SPATA16: variants seen among roughly 807,000 people sequenced by gnomAD.
SPATA16 encodes spermatogenesis-associated protein 16.
A neutral mutation model predicts 63.3 loss-of-function variants in SPATA16; 36 were observed. That is an observed-to-expected ratio of 0.57 (90% CI 0.44 to 0.75). The LOEUF (loss-of-function observed/expected upper bound fraction) is 0.75, where lower values mean the gene tolerates loss of function less well. SPATA16 is among the 30% of genes least tolerant of loss of function. The probability of loss-of-function intolerance (pLI) is 0.00; values close to 1 mark genes in which losing one functional copy is unlikely to be tolerated. For synonymous variants in SPATA16, 203 were observed against 216.7 expected, an observed-to-expected ratio of 0.94 and a Z score of 0.56; for missense variants, 646 against 679.3, an observed-to-expected ratio of 0.95 and a Z score of 0.54.
chr3:173,010,439 T>C (rs1735043223), intron 4 of SPATA16, among the ~76,000 whole-genome samples: 1 of 144,808 alleles, frequency 6.9e-6, no homozygotes, highest in African/African-American at 2.6e-5. Flanking sequence ...TTGTGGCGTG[T>C]GTGTGTGTGT....
chr3:173,090,329 C>A (rs188431922), intron 2 of SPATA16, among the ~76,000 whole-genome samples: 1 of 152,134 alleles, frequency 6.6e-6, no homozygotes, highest in African/African-American at 2.4e-5. Flanking sequence ...TAATTGTAAG[C>A]TTCCAGAGGC....
At chr3:173,067,054 T>C (rs557594250) in intron 2 of SPATA16, among the ~76,000 whole-genome samples, 53 of 152,036 alleles carry the variant, frequency 3.5e-4, no homozygotes, top group African/African-American at 1.1e-3. Context: ...AATACCAAAA[T>C]TGATCAAGCA....
chr3:173,048,374 A>C (rs1319495891), intron 3 of SPATA16, among the ~76,000 whole-genome samples: 1 of 152,144 alleles, frequency 6.6e-6, no homozygotes, highest in East Asian at 1.9e-4. Flanking sequence ...AAGAAAAGAC[A>C]GGCCTGGGTA....
chr3:172,963,937 G>C (rs537210680), intron 5 of SPATA16, among the ~76,000 whole-genome samples: 1 of 152,022 alleles, frequency 6.6e-6, no homozygotes, highest in Admixed American at 6.6e-5. Context: ...GTAAATTCTC[G>C]GAAGTATAAG....
chr3:173,128,677 C>T (rs1738291878), intron 1 of SPATA16, among the ~76,000 whole-genome samples: 1 of 152,192 alleles, frequency 6.6e-6, no homozygotes, highest in Non-Finnish European at 1.5e-5. Context: ...TAGTAAAAAA[C>T]AATACTGTCA....
chr3:172,933,984 A>G (rs1732925530), intron 6 of SPATA16, among the ~76,000 whole-genome samples: 1 of 152,186 alleles, frequency 6.6e-6, no homozygotes, highest in Non-Finnish European at 1.5e-5. Flanking sequence ...AGCTAGCACA[A>G]AGGTAGCAAT....
intron 6 of SPATA16, among the ~76,000 whole-genome samples, chr3:172,928,240 C>T (rs1411817203): frequency 6.6e-6 from 1 of 152,110 alleles, no homozygotes; most frequent in Non-Finnish European, 1.5e-5. Flanking sequence ...GGTTGTGTTA[C>T]AAAATGCCTC....
At chr3:172,944,039 CA>C (rs1733223094) in intron 6 of SPATA16, among the ~76,000 whole-genome samples, 1 of 151,922 alleles carries the variant, frequency 6.6e-6, no homozygotes. Flanking sequence ...ATGTTCAACC[CA>C]ATTAACAGTC....
chr3:173,054,099 CAT>C (rs1445305989), intron 2 of SPATA16, among the ~76,000 whole-genome samples: 3 of 151,796 alleles, frequency 2.0e-5, no homozygotes, highest in African/African-American at 4.8e-5. Context: ...TATATTATTA[CAT>C]GTTACAATTA....
chr3:173,056,493 A>G (rs931712842), intron 2 of SPATA16, among the ~76,000 whole-genome samples: 2 of 152,138 alleles, frequency 1.3e-5, no homozygotes, highest in African/African-American at 4.8e-5. Flanking sequence ...GCCTGAGGTC[A>G]GGAATTCAAG....
intron 6 of SPATA16, 35 bp from the exon 7 acceptor site, chr3:172,925,527 G>C: frequency 6.2e-7 from 1 of 1,613,494 alleles, no homozygotes; most frequent in Non-Finnish European, 8.5e-7. Context: ...AAGAGGCTTT[G>C]TTATGGTTTT....
At chr3:173,008,850 C>G (rs555075293) in intron 4 of SPATA16, among the ~76,000 whole-genome samples, 26 of 151,944 alleles carry the variant, frequency 1.7e-4, no homozygotes, top group Non-Finnish European at 2.8e-4. Flanking sequence ...TGAAAATTCT[C>G]TAAAATTAAA....
chr3:173,002,279 C>A (rs1415160762), intron 4 of SPATA16, among the ~76,000 whole-genome samples: 5 of 152,052 alleles, frequency 3.3e-5, no homozygotes, highest in African/African-American at 1.2e-4. Context: ...CTGAAAATAT[C>A]TGTTAGTTCT....
intron 2 of SPATA16, among the ~76,000 whole-genome samples, chr3:173,108,678 T>C (rs1278030422): frequency 6.6e-6 from 1 of 152,228 alleles, no homozygotes; most frequent in Non-Finnish European, 1.5e-5. Flanking sequence ...AATGACAGAC[T>C]GTATATATGA....
chr3:173,105,123 A>G (rs1376267465), intron 2 of SPATA16, among the ~76,000 whole-genome samples: 2 of 152,206 alleles, frequency 1.3e-5, no homozygotes, highest in African/African-American at 2.4e-5. Flanking sequence ...AAACTACATC[A>G]TATGCTCTAC....
chr3:173,038,660 T>C (rs750077296), intron 3 of SPATA16, among the ~76,000 whole-genome samples: 14 of 152,108 alleles, frequency 9.2e-5, no homozygotes, highest in Non-Finnish European at 1.2e-4. Context: ...AATAGTTTTC[T>C]CCTTGTTGAT....
chr3:173,008,214 C>A (rs977101176), intron 4 of SPATA16, among the ~76,000 whole-genome samples: 3 of 152,088 alleles, frequency 2.0e-5, no homozygotes, highest in African/African-American at 7.2e-5. Flanking sequence ...AGTTATTTAC[C>A]AGCTGATGAG....
chr3:173,046,964 A>T (rs1735971607), intron 3 of SPATA16, among the ~76,000 whole-genome samples: 1 of 151,974 alleles, frequency 6.6e-6, no homozygotes, highest in African/African-American at 2.4e-5. Flanking sequence ...AGCAGCAAAA[A>T]TTATTTTACA....
chr3:173,014,785 G>A (rs1157480136), intron 4 of SPATA16, among the ~76,000 whole-genome samples: 1 of 152,174 alleles, frequency 6.6e-6, no homozygotes, highest in Non-Finnish European at 1.5e-5. Context: ...GTGTGCTTGT[G>A]AAAGTCCTGG....
Sources: allele counts gnomAD v4.1 joint callset (sites outside exome capture counted in the v4.1 genomes callset), GRCh38; gene constraint gnomAD v4.1.1; transcripts MANE v1.5; gene names NCBI Gene and HGNC (gene_info 2026-07-23, HGNC 2026-07-21).